Variants in CES5A observed in about 807,000 individuals in gnomAD.
CES5A encodes carboxylesterase 5.
In CES5A, 67 loss-of-function variants were observed where a neutral mutation model predicts 62.9. The ratio of observed to expected loss-of-function variants is 1.07; its 90% CI spans 0.88 to 1.31. The LOEUF (loss-of-function observed/expected upper bound fraction) is 1.31. Ranked by LOEUF, CES5A falls within the 50% of genes most tolerant of loss-of-function variation. The pLI is 0.00. For synonymous variants in CES5A, 296 were observed against 280.8 expected, an observed-to-expected ratio of 1.05 and a Z score of -0.54; for missense variants, 748 against 708.5, an observed-to-expected ratio of 1.06 and a Z score of -0.63.
At chr16:55,922,879 C>T (rs2034222407) in intron 1 of CES5A, among the ~76,000 whole-genome samples, 1 of 151,240 alleles carries the variant, frequency 6.6e-6, no homozygotes, top group Admixed American at 6.6e-5. Context: ...AAATGAATAA[C>T]AACAAGAACA....
chr16:55,950,468 T>A (rs2050748192), intron 1 of CES5A, among the ~76,000 whole-genome samples: 1 of 152,110 alleles, frequency 6.6e-6, no homozygotes. Flanking sequence ...ACTGAAATTT[T>A]AAAAAATCAA....
chr16:55,949,610 C>T lies in CES5A; in HGVS notation c.160+175G>A, dbSNP rs867925752. On this transcript the variant is annotated intron_variant, in intron 2 of 13. Coordinates refer to the CES5A transcript ENST00000521992. ...AGCAAATGGCAAATCCATCTGAGTT[C>T]CCAAGCTTTCCAACCAGAGGTGAGG... 1.9e-4 allele frequency among the ~76,000 whole-genome samples: 29 copies of T among 152,290 alleles called. No individual in the cohort carries two copies. In the Middle Eastern group the frequency reaches 0.014, roughly 71 times the overall value.
intron 1 of CES5A, among the ~76,000 whole-genome samples, chr16:55,908,110 C>A (rs1178784951): frequency 6.6e-6 from 1 of 152,134 alleles, no homozygotes; most frequent in African/African-American, 2.4e-5. Flanking sequence ...CTTCCCCTGC[C>A]CTGTCTGATT....
At chr16:55,916,411 T>C (rs2034149385) in intron 1 of CES5A, among the ~76,000 whole-genome samples, 1 of 152,204 alleles carries the variant, frequency 6.6e-6, no homozygotes, top group Non-Finnish European at 1.5e-5. Context: ...ATTTATACTA[T>C]AAACTATTTC....
In CES5A at chr16:55,852,931, C is replaced by A. The variant is rs2033161213; in HGVS notation, c.1223G>T (p.Gly408Val). The A allele has an allele frequency of 6.2e-7, 1 of 1,614,036 alleles. No homozygotes were observed. The highest frequency in any genetic ancestry group is 1.6e-4 in the Middle Eastern group (1 of 6,078). ...EIRDSLLDLL[G>V]DVFFVVPALI... ...TGCAGGGACCACAAAGAACACATCT[C>A]CAAGCAAGTCCAGAAGACTGTCTCG... Residue 408 changes from glycine to valine, a missense_variant, in exon 10 of 13, where the codon GGA becomes GTA. Coordinates refer to ENST00000290567, the MANE Select transcript of CES5A (RefSeq NM_001143685.2).
At chr16:55,941,024 A>C (rs1417974325) in intron 2 of CES5A, among the ~76,000 whole-genome samples, 2 of 152,054 alleles carry the variant, frequency 1.3e-5, no homozygotes, top group African/African-American at 4.8e-5. Context: ...GAACAAATGT[A>C]AAAAGCCTAC....
At chr16:55,927,582 G>A (rs939542641), upstream of CES5A, among the ~76,000 whole-genome samples, 32 of 152,098 alleles carry the variant, frequency 2.1e-4, no homozygotes, top group African/African-American at 4.8e-4. Flanking sequence ...ACCTTGCCCC[G>A]GTCAAAATGG....
At chr16:55,949,927 TA>T (rs1468457740) in intron 1 of CES5A, 1 of 1,056,274 alleles carries the variant, frequency 9.5e-7, no homozygotes, top group East Asian at 2.7e-5. Context: ...ATAATAATAA[TA>T]ATAAACATTG....
chr16:55,851,333 T>C (rs2033129076), intron 10 of CES5A, among the ~76,000 whole-genome samples: 3 of 151,848 alleles, frequency 2.0e-5, no homozygotes, highest in African/African-American at 7.3e-5. Flanking sequence ...TGGGCAAGGG[T>C]CTTAAACGTT....
At chr16:55,900,704 G>A (rs2033981781) in intron 1 of CES5A, among the ~76,000 whole-genome samples, 1 of 152,168 alleles carries the variant, frequency 6.6e-6, no homozygotes, top group Non-Finnish European at 1.5e-5. Context: ...GATTTGGGGT[G>A]AGGAACAAGA....
upstream of CES5A, among the ~76,000 whole-genome samples, chr16:55,878,951 A>G (rs1347157486): frequency 2.4e-5 from 3 of 124,410 alleles, no homozygotes; most frequent in African/African-American, 9.6e-5. Flanking sequence ...GCACCCCATC[A>G]CTGCACCCCA....
rs755125131 is a variant in CES5A at position 55,866,086 on chromosome 16, C to T, written c.582G>A (p.Trp194Ter). Reference protein sequence around the residue: ...TTWDQHAPGNWAFKDQVAALS... With the variant: ...TTWDQHAPGN ...GAGCAGCCACCTGGTCCTTGAAGGC[C>T]CAGTTCCCCGGAGCATGCTGATCCC... is the stretch of plus-strand genomic sequence containing the variant. The change falls in exon 5 of 13, where the codon TGG becomes TGA. Residue 194 changes from tryptophan (W) to a stop codon, truncating the protein, a stop_gained. Coordinates refer to ENST00000290567, the MANE Select transcript of CES5A (RefSeq NM_001143685.2). LOFTEE classifies it high-confidence loss of function. 1 of 1,613,820 alleles carries T rather than the reference C, an allele frequency of 6.2e-7. No homozygotes were observed. The highest frequency in any genetic ancestry group is 2.2e-5 in the East Asian group (1 of 44,858).
chr16:55,880,459 C>T (rs906114811), intron 1 of CES5A, among the ~76,000 whole-genome samples: 2 of 152,314 alleles, frequency 1.3e-5, no homozygotes, highest in Middle Eastern at 3.4e-3. Flanking sequence ...CTCGTCTCAC[C>T]TTCCCTCCTC....
chr16:55,875,196 C>T lies in CES5A; in HGVS notation c.26G>A (p.Gly9Asp), dbSNP rs750293467. The change falls in exon 1 of 13, where the codon GGC becomes GAC. Residue 9 changes from glycine (G) to aspartate (D), a missense_variant. Physicochemically the swap from Gly to Asp is moderately conservative, Grantham distance 94. Coordinates refer to ENST00000290567, the MANE Select transcript of CES5A (RefSeq NM_001143685.2). MSGNWVHP[G>D]QILIWAIWVL... ...CCAGATAGCCCAAATTAGGATCTGG[C>T]CTGGGTGCACCCAATTCCCACTCAT... is the stretch of plus-strand genomic sequence containing the variant. 2 of 1,613,932 alleles carry T rather than the reference C, an allele frequency of 1.2e-6. No individual in the cohort carries two copies. Among genetic ancestry groups the T allele is most frequent in the Admixed American group, 1.7e-5 (1 of 59,974 alleles).
intron 2 of CES5A, among the ~76,000 whole-genome samples, chr16:55,931,037 AT>A: frequency 6.6e-6 from 1 of 152,276 alleles, no homozygotes; most frequent in East Asian, 1.9e-4. Context: ...CCAAAACCCC[AT>A]TTTCCATATG....
At chr16:55,932,241 T>C (rs2034321305) in intron 2 of CES5A, among the ~76,000 whole-genome samples, 1 of 151,834 alleles carries the variant, frequency 6.6e-6, no homozygotes, top group Non-Finnish European at 1.5e-5. Flanking sequence ...CTGCAGAGAG[T>C]CTCCACCAGC....
At chr16:55,862,860 A>C (rs1342683873) in intron 6 of CES5A, among the ~76,000 whole-genome samples, 2 of 152,182 alleles carry the variant, frequency 1.3e-5, no homozygotes, top group Non-Finnish European at 2.9e-5. Context: ...GGGCATCACT[A>C]TCTAGTAGAT....
At chr16:55,955,203 CT>C (rs1173567157) in intron 1 of CES5A, among the ~76,000 whole-genome samples, 8 of 152,000 alleles carry the variant, frequency 5.3e-5, no homozygotes, top group African/African-American at 1.7e-4. Context: ...ACTTCCTTAA[CT>C]TTTTTTTCCC....
chr16:55,847,109 G>A (rs1021114289), intron 11 of CES5A, among the ~76,000 whole-genome samples: 9 of 152,134 alleles, frequency 5.9e-5, no homozygotes, highest in Admixed American at 4.6e-4. Context: ...TGAGGCTGCA[G>A]GTTCCCTGGG....
Sources: allele counts gnomAD v4.1 joint callset (sites outside exome capture counted in the v4.1 genomes callset), GRCh38; gene constraint gnomAD v4.1.1; transcripts MANE v1.5; gene names NCBI Gene and HGNC (gene_info 2026-07-23, HGNC 2026-07-21).